The following BLM variants were observed in gnomAD, a reference collection of about 807,000 sequenced individuals.
BLM encodes the protein BLM RecQ like helicase, also known as recQ-like DNA helicase BLM.
A neutral mutation model predicts 135.3 loss-of-function variants in BLM; 95 were observed. The observed-to-expected ratio is 0.70, with a 90% CI of 0.59 to 0.83. The LOEUF is 0.83. Among genes scored for constraint, BLM ranks in the 40% least tolerant of loss-of-function variants. The pLI is 0.00. For synonymous variants in BLM, 520 were observed against 589.2 expected (o/e 0.88, Z 1.70); for missense variants, 1,518 against 1,663.9 (o/e 0.91, Z 1.53).
intron 12 of BLM, among the ~76,000 whole-genome samples, chr15:90,771,460 C>T (rs1203185548): frequency 6.6e-6 from 1 of 151,818 alleles, no homozygotes; most frequent in African/African-American, 2.4e-5. Context: ...GTACTCCAGC[C>T]TGGGCAACAG....
chr15:90,747,449 A>G lies in BLM; in HGVS notation c.57A>G (p.Arg19=). The G allele has an allele frequency of 6.2e-7, 1 of 1,611,092 alleles. No homozygotes were observed. The highest frequency in any genetic ancestry group is 8.5e-7 in the Non-Finnish European group (1 of 1,178,232). ...AGCAACTAGAACGTCACTCAGCCAGAACACTTAATAATAAATTAAGTCTTT... is the reference window on the plus strand; with the variant it reads ...AGCAACTAGAACGTCACTCAGCCAGGACACTTAATAATAAATTAAGTCTTT... ...LQEQLERHSA[R]TLNNKLSLSK... The change falls in exon 2 of 22, where the codon AGA becomes AGG. Residue 19 remains arginine (R), a synonymous_variant. Transcript: ENST00000355112.
At chr15:90,769,646 C>T (rs1434991389) in intron 12 of BLM, 60 bp downstream of exon 12, 5 of 1,567,154 alleles carry the variant, frequency 3.2e-6, no homozygotes, top group Non-Finnish European at 4.4e-6. Flanking sequence ...AGAGCTGCTA[C>T]ATGTTAGAAT....
intron 5 of BLM, chr15:90,755,152 C>T (rs945407682): frequency 1.5e-5 from 9 of 584,796 alleles, no homozygotes; most frequent in African/African-American, 1.1e-4. Context: ...GTTCATTCCC[C>T]ATTTTGAAAA....
intron 5 of BLM, among the ~76,000 whole-genome samples, chr15:90,758,782 G>A (rs1895885254): frequency 6.6e-6 from 1 of 152,182 alleles, no homozygotes; most frequent in African/African-American, 2.4e-5. Context: ...TTGGAAAAAG[G>A]GAGGTACTTT....
intron 19 of BLM, 168 bp from the exon 20 acceptor site, chr15:90,808,969 G>A (rs977157988): frequency 2.4e-6 from 2 of 850,720 alleles, no homozygotes; most frequent in East Asian, 2.5e-5. Context: ...GTGCCTGTCT[G>A]CTGCCTCTGA....
chr15:90,794,457 A>T, intron 16 of BLM, 100 bp downstream of exon 16: 1 of 924,008 alleles, frequency 1.1e-6, no homozygotes, highest in East Asian at 2.8e-5. Context: ...TCTCCGACAG[A>T]TTAACAGGGG....
At chr15:90,802,017 C>G (rs1305008394) in intron 17 of BLM, among the ~76,000 whole-genome samples, 1 of 152,086 alleles carries the variant, frequency 6.6e-6, no homozygotes, top group Non-Finnish European at 1.5e-5. Context: ...GATCCCGCCA[C>G]TGCACCCCCA....
chr15:90,770,167 T>TCCCCCC (rs35712829), intron 12 of BLM, among the ~76,000 whole-genome samples: 1 of 120,522 alleles, frequency 8.3e-6, no homozygotes, highest in African/African-American at 3.3e-5. Flanking sequence ...ATAAAAGAAA[T>TCCCCCC]CCCCCCCCCC....
intron 10 of BLM, among the ~76,000 whole-genome samples, chr15:90,768,789 G>A (rs564671871): frequency 6.6e-6 from 1 of 152,244 alleles, no homozygotes; most frequent in East Asian, 1.9e-4. Flanking sequence ...GCAGTGGCAC[G>A]ATCTTGGCTC....
At chr15:90,752,049 T>C (rs547092025) in intron 4 of BLM, 103 bp downstream of exon 4, 1 of 1,120,474 alleles carries the variant, frequency 8.9e-7, no homozygotes, top group African/African-American at 1.6e-5. Context: ...TTTTGTGCTT[T>C]CTACAATTAT....
Position 90,782,873 on chromosome 15 carries a change from A to G in BLM, c.2607A>G (p.Lys869=), listed in dbSNP as rs774252010. 1 of 1,614,052 alleles carries G rather than the reference A, an allele frequency of 6.2e-7. No individual in the cohort carries two copies. The highest frequency in any genetic ancestry group is 8.5e-7 in the Non-Finnish European group (1 of 1,179,898). The part of the protein sequence containing the change: ...RHNLKYYVLP[K]KPKKVAFDCL... The stretch of plus-strand genomic sequence containing the variant: ...ATCTGAAATACTATGTATTACCGAA[A>G]AAGCCTAAAAAGGTGGCATTTGATT... The change falls in exon 13 of 22, where the codon AAA becomes AAG. Residue 869 remains lysine, a synonymous_variant. Transcript: ENST00000355112.
At chr15:90,738,391 T>A (rs1895274501) in intron 1 of BLM, among the ~76,000 whole-genome samples, 1 of 152,088 alleles carries the variant, frequency 6.6e-6, no homozygotes. Flanking sequence ...CTAGGCAACA[T>A]GGTGAAACCC....
At chr15:90,739,948 A>G (rs1439383869) in intron 1 of BLM, among the ~76,000 whole-genome samples, 1 of 151,918 alleles carries the variant, frequency 6.6e-6, no homozygotes, top group African/African-American at 2.4e-5. Context: ...TATTTTTTGT[A>G]GAGATGGGGT....
At position 90,785,083 on chromosome 15, in the gene BLM, T is replaced by A. The variant is rs1896712920; in HGVS notation, c.2823+2T>A. 1 of 1,613,750 alleles carries A rather than the reference T, an allele frequency of 6.2e-7. No individual in the cohort carries two copies. Among genetic ancestry groups the A allele is most frequent in the African/African-American group, 1.3e-5 (1 of 74,902 alleles). ...TGGATTAATCAGGATGGCTGTCAGG[T>A]AACATTTTTAAAGATAAACAAATAA... On this transcript the variant is annotated splice_donor_variant, in intron 14 of 21. Transcript: ENST00000355112. LOFTEE classifies it high-confidence loss of function.
intron 1 of BLM, among the ~76,000 whole-genome samples, chr15:90,742,275 C>T (rs1895384067): frequency 6.6e-6 from 1 of 150,952 alleles, no homozygotes; most frequent in African/African-American, 2.5e-5. Flanking sequence ...GTAACTCCTC[C>T]CCTTTGAACA....
At chr15:90,813,022 C>T (rs1330224269) in intron 21 of BLM, among the ~76,000 whole-genome samples, 1 of 152,162 alleles carries the variant, frequency 6.6e-6, no homozygotes, top group Non-Finnish European at 1.5e-5. Flanking sequence ...GCTCAACACC[C>T]AGGGTTTTTG....
intron 12 of BLM, among the ~76,000 whole-genome samples, chr15:90,779,088 T>C (rs1896554546): frequency 6.6e-6 from 1 of 152,074 alleles, no homozygotes; most frequent in Admixed American, 6.5e-5. Context: ...GGTTTCCCCA[T>C]ATTGGCCAGG....
chr15:90,729,156 A>G lies in BLM; in HGVS notation c.-5+11716A>G, dbSNP rs964889420. On this transcript the variant is annotated intron_variant, in intron 1 of 21. Coordinates refer to ENST00000355112, the MANE Select transcript of BLM (RefSeq NM_000057.4). Reference sequence around the variant, plus strand: ...GAAACTCCATCTCTACTAAAAATACAAAAATTAGCCAGGCATGGTGGTACG... The same window carrying G: ...GAAACTCCATCTCTACTAAAAATACGAAAATTAGCCAGGCATGGTGGTACG... 2.2e-4 allele frequency among the ~76,000 whole-genome samples: 33 copies of G among 152,194 alleles called. No homozygotes were observed. In the East Asian group the frequency reaches 6.4e-3, roughly 29 times the overall value.
intron 1 of BLM, among the ~76,000 whole-genome samples, chr15:90,723,835 T>C (rs918507277): frequency 3.0e-4 from 45 of 152,284 alleles, no homozygotes; most frequent in African/African-American, 1.1e-3. Context: ...TGGCAACCAC[T>C]GTGCCCCTCT....
Sources: allele counts gnomAD v4.1 joint callset (sites outside exome capture counted in the v4.1 genomes callset), GRCh38; gene constraint gnomAD v4.1.1; transcripts MANE v1.5; gene names NCBI Gene and HGNC (gene_info 2026-07-23, HGNC 2026-07-21).